Variants in ATP2A3 observed in about 807,000 individuals in gnomAD.
The protein encoded by ATP2A3 is ATPase sarcoplasmic/endoplasmic reticulum Ca2+ transporting 3.
Under a neutral mutation model 106.8 loss-of-function variants are expected in ATP2A3, and 61 were observed. The observed-to-expected ratio is 0.57, with a 90% CI of 0.46 to 0.71. The LOEUF (loss-of-function observed/expected upper bound fraction) is 0.71. Among genes scored for constraint, ATP2A3 ranks in the 30% least tolerant of loss-of-function variants. The pLI is 0.00. For synonymous variants in ATP2A3, 611 were observed against 609.3 expected, an observed-to-expected ratio of 1.00 and a Z score of -0.04; for missense variants, 1,201 against 1,423.5, an observed-to-expected ratio of 0.84 and a Z score of 2.52.
rs957007783 is a variant in ATP2A3 at position 3,955,495 on chromosome 17, C to T, written c.119-1785G>A. On this transcript the variant is annotated intron_variant, in intron 1 of 20. Transcript: ENST00000397041. The surrounding 1 kb of genome is among the most constrained non-coding windows in gnomAD (Gnocchi z 4.2). Reference sequence around the variant, plus strand: ...AAATGTAATCTCCAGTGTCCTGCGTCGAGATTAAAATCAAACAGACTTTTT... The same window carrying T: ...AAATGTAATCTCCAGTGTCCTGCGTTGAGATTAAAATCAAACAGACTTTTT... Among the ~76,000 whole-genome samples the T allele has an allele frequency of 2.0e-5, 3 of 152,160 alleles. No individual in the cohort carries two copies. The highest frequency in any genetic ancestry group is 7.2e-5 in the African/African-American group (3 of 41,428).
At chr17:3,940,891 G>C in intron 14 of ATP2A3, 80 bp downstream of exon 14, 1 of 1,464,524 alleles carries the variant, frequency 6.8e-7, no homozygotes, top group South Asian at 1.1e-5. Context: ...AGGCAGAGGG[G>C]AGAGTTGCAC....
chr17:3,953,573 G>A lies in ATP2A3; in HGVS notation c.136+120C>T. ...CCCAGGTCGCTGAGAGGCTCAGGTG[G>A]GTGATCCTGGGGAGCTCAGCAAGGC... On this transcript the variant is annotated intron_variant, in intron 2 of 20. Coordinates refer to ENST00000397041, the MANE Select transcript of ATP2A3 (RefSeq NM_005173.4). This position sits in a 1 kb window ranked among gnomAD's most constrained non-coding sequence, Gnocchi z 5.1. The A allele has an allele frequency of 6.7e-7, 1 of 1,494,256 alleles. No homozygotes were observed. Among genetic ancestry groups the A allele is most frequent in the Admixed American group, 1.9e-5 (1 of 51,398 alleles). The allele number at this position is 1,494,256 out of a possible 1,614,324, so 92.6% of individuals were successfully genotyped here.
At chr17:3,937,179 CTT>C (rs1359221887) in intron 15 of ATP2A3, 2 of 573,714 alleles carry the variant, frequency 3.5e-6, no homozygotes, top group African/African-American at 3.7e-5. Flanking sequence ...ACAGGCGACT[CTT>C]CAGGCACCTC....
chr17:3,941,391 C>T (rs778977293), intron 13 of ATP2A3, 45 bp downstream of exon 13: 2 of 1,612,684 alleles, frequency 1.2e-6, no homozygotes, highest in East Asian at 2.2e-5. Flanking sequence ...GACTTGGCTC[C>T]TGCACCCACC....
rs796350914 is a variant in ATP2A3, at chr17:3,941,746, C to A, written c.1546-92G>T. The A allele has an allele frequency of 1.0e-5, 14 of 1,344,816 alleles. No individual in the cohort carries two copies. The East Asian group carries it at 3.0e-4, about 29-fold the overall frequency. 83.3% of individuals were successfully genotyped at this position (1,344,816 alleles called of 1,614,324 possible). ...AACTCAGGAAACTGAGACTAAGATA[C>A]GGGCAAAGGCCACCCAAGGGTACAC... On this transcript the variant is annotated intron_variant, in intron 12 of 20. Coordinates refer to ENST00000397041, the MANE Select transcript of ATP2A3 (RefSeq NM_005173.4).
At position 3,953,788 on chromosome 17, in the gene ATP2A3, G is replaced by T; in HGVS notation, c.119-78C>A. 1 of 1,485,456 alleles carries T rather than the reference G, an allele frequency of 6.7e-7. No individual in the cohort carries two copies. The allele number at this position is 1,485,456 out of a possible 1,614,324, so 92.0% of individuals were successfully genotyped here. A position where few individuals can be genotyped will look rare whatever the true frequency, so the allele number is the denominator to read the frequency against. ...TCACGCAGGGGCCTCGGGGGAGTCT[G>T]GCAGTGCCTCCCCACCGTGCCCGCC... On this transcript the variant is annotated intron_variant, in intron 1 of 20. Transcript: ENST00000397041. The surrounding 1 kb of genome is among the most constrained non-coding windows in gnomAD (Gnocchi z 5.1).
rs758678367 is a variant in ATP2A3 at position 3,943,409 on chromosome 17, T to C, written c.1401A>G (p.Arg467=). 1.2e-6 allele frequency: 2 copies of C among 1,613,992 alleles called. No homozygotes were observed. Among genetic ancestry groups the C allele is most frequent in the Admixed American group, 3.3e-5 (2 of 60,026 alleles). The change falls in exon 11 of 21, where the codon CGA becomes CGG. Residue 467 remains arginine (R), a synonymous_variant. Coordinates refer to ENST00000397041, the MANE Select transcript of ATP2A3 (RefSeq NM_005173.4). ...TGCTCACCGTGTTACAGGCGCCAGC[T>C]CGCTCCACCCGGGACAGAGCCTGCA... is the stretch of plus-strand genomic sequence containing the variant. The part of the protein sequence containing the change: ...TDLQALSRVE[R]AGACNTVIKQ...
Position 3,930,356 on chromosome 17 carries a change from T to C in ATP2A3, c.2689A>G (p.Thr897Ala). ...ACGAGCACGGACAAGGCCATGGTGG[T>C]GGGGAAGCGTGACTCGAACACCTCA... ...DCEVFESRFP[T>A]TMALSVLVTI... Residue 897 changes from threonine to alanine, a missense_variant, in exon 18 of 21, where the codon ACC (threonine) becomes GCC (alanine). By Grantham distance (58) the Thr-to-Ala change is moderately conservative. Around this residue, in one of 2 missense-constraint regions of ATP2A3, gnomAD observed 935 missense variants for 1,176.7 expected, o/e 0.79. Transcript: ENST00000397041. The surrounding 1 kb of genome is among the most constrained non-coding windows in gnomAD (Gnocchi z 5.4). 2 of 1,613,370 alleles carry C rather than the reference T, an allele frequency of 1.2e-6. No homozygotes were observed. Among genetic ancestry groups the C allele is most frequent in the Non-Finnish European group, 1.7e-6 (2 of 1,179,774 alleles).
At chr17:3,938,279 C>T (rs1226996283) in intron 14 of ATP2A3, among the ~76,000 whole-genome samples, 1 of 152,178 alleles carries the variant, frequency 6.6e-6, no homozygotes, top group East Asian at 2.0e-4. Context: ...ACTGAAAATA[C>T]AAAAATTAGC....
rs1042600766 is a variant in ATP2A3 at position 3,924,729 on chromosome 17, G to C, written c.*693C>G. 1.3e-5 allele frequency: 6 copies of C among 456,376 alleles called. No homozygotes were observed. Among genetic ancestry groups the C allele is most frequent in the African/African-American group, 1.2e-4 (6 of 50,068 alleles). 28.3% of individuals were successfully genotyped at this position (456,376 alleles called of 1,614,324 possible). On this transcript the variant is annotated 3_prime_UTR_variant, in exon 21 of 21. Transcript: ENST00000397041. The surrounding 1 kb of genome is among the most constrained non-coding windows in gnomAD (Gnocchi z 6.4). ...CAGGCTTTCCCGACTTGTCTCCCGG[G>C]AAAGGACATCCTCGCTCCGCCCTCC...
chr17:3,944,864 C>T, intron 9 of ATP2A3, 58 bp from the exon 10 acceptor site: 1 of 929,370 alleles, frequency 1.1e-6, no homozygotes. Flanking sequence ...GAGGGGTCCG[C>T]CTCTTGGCCC....
Position 3,947,240 on chromosome 17 carries a change from T to A in ATP2A3, c.1095+151A>T. On this transcript the variant is annotated intron_variant, in intron 8 of 20. Transcript: ENST00000397041. This position sits in a 1 kb window ranked among gnomAD's most constrained non-coding sequence, Gnocchi z 7.7. Reference sequence around the variant, plus strand: ...ATGATTTGCTATAGTCTCCCTGTCATCTTGTGAAAACCTGGACCTGCTCTG... The same window carrying A: ...ATGATTTGCTATAGTCTCCCTGTCAACTTGTGAAAACCTGGACCTGCTCTG... 2 of 931,220 alleles carry A rather than the reference T, an allele frequency of 2.1e-6. No homozygotes were observed. Among genetic ancestry groups the A allele is most frequent in the South Asian group, 2.9e-5 (2 of 69,070 alleles). The allele number at this position is 931,220 out of a possible 1,614,324, so 57.7% of individuals were successfully genotyped here.
rs1251203412 is a variant in ATP2A3, at chr17:3,924,589, T to C, written c.*833A>G. On this transcript the variant is annotated 3_prime_UTR_variant, in exon 21 of 21. Coordinates refer to ENST00000397041, the MANE Select transcript of ATP2A3 (RefSeq NM_005173.4). The surrounding 1 kb of genome is among the most constrained non-coding windows in gnomAD (Gnocchi z 6.4). ...TGGTCTCAGGTACCAGGGACGCGGG[T>C]GGCAAGTTGGACCTCTGCGTGGCAG... 2.6e-5 allele frequency: 9 copies of C among 348,102 alleles called. No homozygotes were observed. In the Admixed American group the frequency reaches 2.9e-4, roughly 11 times the overall value. 21.6% of individuals were successfully genotyped at this position (348,102 alleles called of 1,614,324 possible).
rs112116136 is a variant in ATP2A3, at chr17:3,941,485, C to G, written c.1715G>C (p.Arg572Thr). ...GTCGTCCAGCTCCATGTCCTCCTTC[C>G]TTGGGGGCGCGTCCCGGGTGGCCAG... Reference protein sequence around the residue: ...LALATRDAPPRKEDMELDDCS... With the variant: ...LALATRDAPPTKEDMELDDCS... Residue 572 changes from arginine to threonine, a missense_variant, in exon 13 of 21, where the codon AGG becomes ACG. By Grantham distance (71) the Arg-to-Thr change is moderately conservative. Transcript: ENST00000397041. 5 of 1,613,762 alleles carry G rather than the reference C, an allele frequency of 3.1e-6. No homozygotes were observed. Among genetic ancestry groups the G allele is most frequent in the Non-Finnish European group, 4.2e-6 (5 of 1,179,854 alleles).
intron 1 of ATP2A3, among the ~76,000 whole-genome samples, chr17:3,958,835 C>T (rs912500710): frequency 1.5e-5 from 2 of 129,678 alleles, no homozygotes; most frequent in Non-Finnish European, 3.2e-5. Context: ...TATATATACA[C>T]ACACACATAT....
At chr17:3,927,521 C>A (rs34404834) in intron 20 of ATP2A3, 1 of 985,292 alleles carries the variant, frequency 1.0e-6, no homozygotes, top group Non-Finnish European at 1.2e-6. Context: ...GATTTCCTGG[C>A]GGACCGGCCC....
chr17:3,925,897 G>A lies in ATP2A3; in HGVS notation c.2981-456C>T, dbSNP rs994507501. On this transcript the variant is annotated intron_variant, in intron 20 of 20. Transcript: ENST00000397041. The surrounding 1 kb of genome is among the most constrained non-coding windows in gnomAD (Gnocchi z 4.2). Reference sequence around the variant, plus strand: ...CCCTGCCCCCAGCCCCAGTCTTACCGTCCCATCATACTTCTGCCCCTAGCA... The same window carrying A: ...CCCTGCCCCCAGCCCCAGTCTTACCATCCCATCATACTTCTGCCCCTAGCA... Among the ~76,000 whole-genome samples, 54 of 149,950 alleles carry A rather than the reference G, an allele frequency of 3.6e-4. 1 individual carries two copies. The highest frequency in any genetic ancestry group is 6.0e-4 in the Admixed American group (9 of 15,056).
intron 17 of ATP2A3, among the ~76,000 whole-genome samples, chr17:3,934,643 C>A (rs150739185): frequency 0.012 from 1,880 of 151,964 alleles, 18 homozygotes; most frequent in Non-Finnish European, 0.019. Flanking sequence ...ACTGCCTCAG[C>A]CTCCTGAGTA....
chr17:3,946,143 G>A (rs1319648321), intron 8 of ATP2A3, among the ~76,000 whole-genome samples: 2 of 151,486 alleles, frequency 1.3e-5, no homozygotes, highest in Non-Finnish European at 2.9e-5. Context: ...AGCTACTCGG[G>A]TGGCTGAAGC....
Sources: gnomAD v4.1 joint callset for allele counts (sites outside exome capture counted in the v4.1 genomes callset) on GRCh38, gnomAD v4.1.1 for gene constraint, gnomAD v4.1.1 regional missense constraint, Gnocchi (gnomAD v3.1) non-coding constraint, MANE v1.5 for transcripts, NCBI Gene and HGNC (gene_info 2026-07-23, HGNC 2026-07-21) for gene names.